SYT16: variants seen among roughly 807,000 people sequenced by gnomAD.
SYT16 encodes the protein synaptotagmin 16, also known as synaptotagmin-16.
A neutral mutation model predicts 61.4 loss-of-function variants in SYT16; 42 were observed. The ratio of observed to expected loss-of-function variants is 0.68; its 90% CI spans 0.53 to 0.89. The LOEUF is 0.89. SYT16 is among the 40% of genes least tolerant of loss of function. SYT16 has a pLI of 0.00. For missense variants in SYT16, 804 were observed against 807.3 expected, an observed-to-expected ratio of 1.00 and a Z score of 0.05; for synonymous variants, 314 against 302.3, an observed-to-expected ratio of 1.04 and a Z score of -0.40.
chr14:61,861,958 C>T (rs1594777608), intron 1 of SYT16, among the ~76,000 whole-genome samples: 1 of 152,150 alleles, frequency 6.6e-6, no homozygotes, highest in Non-Finnish European at 1.5e-5. Context: ...AAAGTGAGCA[C>T]ATACTTTGGA....
At chr14:61,922,081 T>G (rs1165214759) in intron 1 of SYT16, among the ~76,000 whole-genome samples, 2 of 152,200 alleles carry the variant, frequency 1.3e-5, no homozygotes, top group Non-Finnish European at 2.9e-5. Context: ...CTCAACTTAG[T>G]GCCTTGTGTA....
chr14:62,018,298 C>CTTCTTT (rs1566768738), intron 3 of SYT16, among the ~76,000 whole-genome samples: 2 of 51,644 alleles, frequency 3.9e-5, no homozygotes, highest in Non-Finnish European at 3.3e-5. Flanking sequence ...TCTTCTTCTT[C>CTTCTTT]TTTTTTTTTT....
intron 1 of SYT16, among the ~76,000 whole-genome samples, chr14:61,823,238 A>C (rs1178615141): frequency 6.6e-6 from 1 of 151,848 alleles, no homozygotes; most frequent in Non-Finnish European, 1.5e-5. Flanking sequence ...TGATCCTTCC[A>C]CCTCAGCCTC....
At chr14:62,049,747 GC>G (rs1393924467) in intron 3 of SYT16, among the ~76,000 whole-genome samples, 3 of 152,142 alleles carry the variant, frequency 2.0e-5, no homozygotes, top group Non-Finnish European at 4.4e-5. Flanking sequence ...GCTTAGTTTG[GC>G]AGAATATGAA....
chr14:61,866,580 T>C (rs1483728523), intron 1 of SYT16, among the ~76,000 whole-genome samples: 1 of 152,156 alleles, frequency 6.6e-6, no homozygotes, highest in Non-Finnish European at 1.5e-5. Context: ...TTTGGTAATA[T>C]ATGTGTTCAA....
chr14:61,990,426 G>C (rs1382607911), intron 2 of SYT16, among the ~76,000 whole-genome samples: 2 of 152,148 alleles, frequency 1.3e-5, no homozygotes, highest in Non-Finnish European at 2.9e-5. Flanking sequence ...AGAATGAGAA[G>C]AGTATATTTT....
Position 61,945,725 on chromosome 14 carries a change from G to A in SYT16, c.-324-24407G>A, listed in dbSNP as rs536528787. The stretch of plus-strand genomic sequence containing the variant: ...CAAAAAATTAGCCGGGCGTGGTGGC[G>A]GGTGCCTGTAGTCCCAGCTACGCGG... On this transcript the variant is annotated intron_variant, in intron 1 of 7. Transcript: ENST00000683842. 3.7e-3 allele frequency among the ~76,000 whole-genome samples: 562 copies of A among 151,920 alleles called. 2 individuals carry two copies. Among genetic ancestry groups the A allele is most frequent in the Non-Finnish European group, 6.5e-3 (441 of 67,876 alleles).
chr14:62,059,210 C>A (rs1474208403), intron 3 of SYT16, among the ~76,000 whole-genome samples: 1 of 151,988 alleles, frequency 6.6e-6, no homozygotes, highest in African/African-American at 2.4e-5. Context: ...GCACACGTAC[C>A]CCTGAACTTA....
rs181610485 is a variant in SYT16, at chr14:61,997,374, C to T, written c.523+832C>T. On this transcript the variant is annotated intron_variant, in intron 3 of 7. Coordinates refer to ENST00000683842, the MANE Select transcript of SYT16 (RefSeq NM_001367656.1). ...CAGATTGGTGAGTCATTTATGTGATCTAAAGACAAAGTTATTCAATGTCCC... is the reference window on the plus strand; with the variant it reads ...CAGATTGGTGAGTCATTTATGTGATTTAAAGACAAAGTTATTCAATGTCCC... 4.1e-4 allele frequency among the ~76,000 whole-genome samples: 62 copies of T among 152,104 alleles called. 1 individual carries two copies. Among genetic ancestry groups the T allele is most frequent in the Admixed American group, 3.8e-3 (58 of 15,264 alleles).
At chr14:61,897,965 C>T (rs1224523625) in intron 1 of SYT16, among the ~76,000 whole-genome samples, 21 of 152,170 alleles carry the variant, frequency 1.4e-4, no homozygotes. Context: ...CCTGTAGTTA[C>T]TCAAATCAAA....
intron 3 of SYT16, among the ~76,000 whole-genome samples, chr14:62,016,763 C>G (rs750957216): frequency 3.2e-4 from 49 of 151,974 alleles, no homozygotes; most frequent in Admixed American, 7.2e-4. Flanking sequence ...GGATTCTTGT[C>G]AAATTATTTG....
chr14:62,094,540 G>A (rs767330003), intron 7 of SYT16, among the ~76,000 whole-genome samples: 1 of 152,066 alleles, frequency 6.6e-6, no homozygotes, highest in Non-Finnish European at 1.5e-5. Context: ...GATCTTCGCT[G>A]TTATATCCTC....
At chr14:61,878,362 A>T (rs970075469) in intron 1 of SYT16, among the ~76,000 whole-genome samples, 1 of 152,202 alleles carries the variant, frequency 6.6e-6, no homozygotes, top group Non-Finnish European at 1.5e-5. Flanking sequence ...TTGATCCGGA[A>T]ATCTCAATTT....
intron 1 of SYT16, among the ~76,000 whole-genome samples, chr14:61,924,992 T>C (rs551655882): frequency 7.2e-5 from 11 of 152,356 alleles, no homozygotes; most frequent in African/African-American, 2.6e-4. Context: ...AAGTTGCCTA[T>C]AAAACGTACA....
intron 3 of SYT16, among the ~76,000 whole-genome samples, chr14:61,998,670 A>G (rs2052868551): frequency 6.6e-6 from 1 of 151,884 alleles, no homozygotes; most frequent in South Asian, 2.1e-4. Flanking sequence ...TTCTTGACTG[A>G]TTACACTGGA....
intron 7 of SYT16, among the ~76,000 whole-genome samples, chr14:62,087,187 A>G (rs2056914137): frequency 6.6e-6 from 1 of 152,230 alleles, no homozygotes; most frequent in African/African-American, 2.4e-5. Context: ...GAATGAGGGG[A>G]CACGAGTTTT....
At chr14:62,057,480 G>A (rs2055617519) in intron 3 of SYT16, among the ~76,000 whole-genome samples, 1 of 152,060 alleles carries the variant, frequency 6.6e-6, no homozygotes, top group Non-Finnish European at 1.5e-5. Flanking sequence ...TGGATTTAAA[G>A]GTTTGTCTAG....
At chr14:61,988,837 CA>C (rs1474923197) in intron 2 of SYT16, among the ~76,000 whole-genome samples, 5 of 152,014 alleles carry the variant, frequency 3.3e-5, no homozygotes, top group African/African-American at 1.2e-4. Context: ...CTAGGAAAAT[CA>C]CTTTACCTTT....
At chr14:62,031,467 G>A (rs139230276) in intron 3 of SYT16, among the ~76,000 whole-genome samples, 2 of 152,266 alleles carry the variant, frequency 1.3e-5, no homozygotes, top group African/African-American at 4.8e-5. Context: ...ATGTGAACAG[G>A]TAGTTGAACT....
Sources: allele counts gnomAD v4.1 joint callset (sites outside exome capture counted in the v4.1 genomes callset), GRCh38; gene constraint gnomAD v4.1.1; transcripts MANE v1.5; gene names NCBI Gene and HGNC (gene_info 2026-07-23, HGNC 2026-07-21).